Variants in GPHN observed in about 807,000 individuals in gnomAD.
The protein encoded by GPHN is gephyrin.
Under a neutral mutation model 95.5 loss-of-function variants are expected in GPHN, and 17 were observed. The observed-to-expected ratio is 0.18, with a 90% CI of 0.12 to 0.27. The LOEUF is 0.27. Among genes scored for constraint, GPHN ranks in the 10% least tolerant of loss-of-function variants. The probability of loss-of-function intolerance (pLI) is 1.00; values close to 1 mark genes in which losing one functional copy is unlikely to be tolerated. For missense variants in GPHN, 660 were observed against 978.1 expected (o/e 0.67, Z 4.34); for synonymous variants, 320 against 322.5 (o/e 0.99, Z 0.08).
the GPHN span, among the ~76,000 whole-genome samples, chr14:67,632,062 T>A: frequency 1.3e-5 from 2 of 152,110 alleles, no homozygotes; most frequent in African/African-American, 4.8e-5. Context: ...TTTTTTCTTT[T>A]TGTTTTAGAG....
At chr14:67,104,033 A>G in intron 13 of GPHN, among the ~76,000 whole-genome samples, 1 of 151,898 alleles carries the variant, frequency 6.6e-6, no homozygotes. Context: ...CACTGTGTAC[A>G]CTCATTCTTT....
chr14:66,763,489 T>C (rs1181803064), intron 2 of GPHN, among the ~76,000 whole-genome samples: 1 of 144,302 alleles, frequency 6.9e-6, no homozygotes, highest in East Asian at 2.1e-4. Context: ...GAATAGGCGG[T>C]GTTTGGTTTT....
At chr14:66,942,917 A>G (rs1005340961) in intron 8 of GPHN, among the ~76,000 whole-genome samples, 3 of 152,070 alleles carry the variant, frequency 2.0e-5, no homozygotes, top group Admixed American at 6.5e-5. Context: ...CCAGATTACC[A>G]TGAATTATTT....
intron 3 of GPHN, among the ~76,000 whole-genome samples, chr14:66,798,860 G>C (rs2153475543): frequency 6.6e-6 from 1 of 150,720 alleles, no homozygotes; most frequent in African/African-American, 2.4e-5. Context: ...ACTACTCTTG[G>C]GTTTGGTTTG....
At chr14:67,138,850 T>C (rs72715391) in intron 17 of GPHN, among the ~76,000 whole-genome samples, 9,775 of 144,712 alleles carry the variant, frequency 0.068, 344 homozygotes, top group Non-Finnish European at 0.084. Flanking sequence ...GCTGGTTACC[T>C]CAGACAAATC....
chr14:67,651,717 G>T, the GPHN span: 1 of 367,288 alleles, frequency 2.7e-6, no homozygotes, highest in South Asian at 3.7e-5. Context: ...AATGGATTCT[G>T]AAATGTTGTT....
intron 1 of GPHN, among the ~76,000 whole-genome samples, chr14:66,668,507 T>C (rs1317427617): frequency 6.6e-6 from 1 of 152,126 alleles, no homozygotes; most frequent in African/African-American, 2.4e-5. Context: ...TGGAAGTCAT[T>C]ATCCTTAGCA....
intron 11 of GPHN, among the ~76,000 whole-genome samples, chr14:67,074,981 A>G (rs1344441898): frequency 1.3e-5 from 2 of 152,220 alleles, no homozygotes; most frequent in African/African-American, 2.4e-5. Context: ...AAGATCATTG[A>G]TGAAGGTGAC....
At chr14:67,528,319 C>A in the GPHN span, among the ~76,000 whole-genome samples, 1 of 152,130 alleles carries the variant, frequency 6.6e-6, no homozygotes. Context: ...CACATGTGTC[C>A]CAGAAAAGTA....
chr14:67,576,042 G>A, the GPHN span: 1 of 1,500,306 alleles, frequency 6.7e-7, no homozygotes, highest in African/African-American at 1.4e-5. This position sits in a 1 kb window ranked among gnomAD's most constrained non-coding sequence, Gnocchi z 4.0. Flanking sequence ...GCCAAGCTTG[G>A]ACCTGTGATT....
At chr14:67,277,437 T>C in the GPHN span, among the ~76,000 whole-genome samples, 2 of 152,242 alleles carry the variant, frequency 1.3e-5, no homozygotes, top group Admixed American at 6.5e-5. Flanking sequence ...GTTTGCATTA[T>C]GACCCAAGAT....
chr14:66,640,337 A>G (rs967817959), intron 1 of GPHN, among the ~76,000 whole-genome samples: 1 of 152,158 alleles, frequency 6.6e-6, no homozygotes, highest in East Asian at 1.9e-4. Context: ...CAGGAGCATC[A>G]CTTGAACCTT....
chr14:67,494,197 T>C, the GPHN span, among the ~76,000 whole-genome samples: 1 of 152,022 alleles, frequency 6.6e-6, no homozygotes, highest in Non-Finnish European at 1.5e-5. Context: ...TAGGCAAGAG[T>C]AATTAAAGGG....
chr14:66,993,040 G>A (rs368352333), intron 9 of GPHN, among the ~76,000 whole-genome samples: 144 of 152,202 alleles, frequency 9.5e-4, no homozygotes, highest in African/African-American at 3.3e-3. Flanking sequence ...TAACGTTGAC[G>A]TAGGAATGGT....
chr14:67,081,026 C>T (rs1308916315), intron 11 of GPHN, among the ~76,000 whole-genome samples: 1 of 152,158 alleles, frequency 6.6e-6, no homozygotes, highest in Non-Finnish European at 1.5e-5. Context: ...GGCATTTGGG[C>T]TGGTTCCATA....
At chr14:67,674,364 C>G in the GPHN span, 4 of 1,584,236 alleles carry the variant, frequency 2.5e-6, no homozygotes, top group East Asian at 4.6e-5. Context: ...CGTGGCCCAC[C>G]CCCGCCTCAC....
At chr14:67,244,265 A>G in the GPHN span, among the ~76,000 whole-genome samples, 1 of 152,180 alleles carries the variant, frequency 6.6e-6, no homozygotes, top group African/African-American at 2.4e-5. Context: ...ATGTATACCT[A>G]CCTATAAGTG....
At chr14:67,729,917 C>A in the GPHN span, 1 of 427,220 alleles carries the variant, frequency 2.3e-6, no homozygotes, top group Non-Finnish European at 4.6e-6. Context: ...AGGGTGAAAT[C>A]TCTTTCCCAT....
At chr14:66,814,503 C>T (rs1272294149) in intron 3 of GPHN, among the ~76,000 whole-genome samples, 1 of 152,188 alleles carries the variant, frequency 6.6e-6, no homozygotes, top group East Asian at 1.9e-4. Context: ...ATGCAAGTCC[C>T]CCAGAGTTAG....
Sources: gnomAD v4.1 joint callset for allele counts (sites outside exome capture counted in the v4.1 genomes callset) on GRCh38, gnomAD v4.1.1 for gene constraint, Gnocchi (gnomAD v3.1) non-coding constraint, MANE v1.5 for transcripts, NCBI Gene and HGNC (gene_info 2026-07-23, HGNC 2026-07-21) for gene names.